Variants in FHL2 observed in about 807,000 individuals in gnomAD.
FHL2 encodes the protein four and a half LIM domains 2, also known as four and a half LIM domains protein 2.
In FHL2, 20 loss-of-function variants were observed where a neutral mutation model predicts 32.7. That is an observed-to-expected ratio of 0.61 (90% CI 0.43 to 0.89). The LOEUF is 0.89. FHL2 is among the 40% of genes least tolerant of loss of function. The pLI is 0.00. For missense variants in FHL2, 311 were observed against 358.6 expected (o/e 0.87, Z 1.07); for synonymous variants, 123 against 128.1 (o/e 0.96, Z 0.27).
intron 3 of FHL2, among the ~76,000 whole-genome samples, chr2:105,383,577 C>T (rs924384495): frequency 6.6e-6 from 1 of 150,656 alleles, no homozygotes; most frequent in Non-Finnish European, 1.5e-5. Flanking sequence ...ACATTTAAAA[C>T]TCACACACAT....
At chr2:105,361,572 G>A (rs1454754578) in intron 6 of FHL2, 138 bp from the exon 7 acceptor site, 2 of 686,846 alleles carry the variant, frequency 2.9e-6, no homozygotes, top group Non-Finnish European at 4.8e-6. Flanking sequence ...GTGACTGGGT[G>A]TTGGGAATCC....
intron 3 of FHL2, among the ~76,000 whole-genome samples, chr2:105,377,012 G>A (rs555053741): frequency 6.6e-6 from 1 of 152,228 alleles, no homozygotes; most frequent in Non-Finnish European, 1.5e-5. Flanking sequence ...CCAGGGGCTG[G>A]GATGAGAGGG....
intron 2 of FHL2, among the ~76,000 whole-genome samples, chr2:105,387,869 T>C (rs1682434746): frequency 6.6e-6 from 1 of 152,170 alleles, no homozygotes; most frequent in Admixed American, 6.5e-5. Context: ...TGCCCAGCGA[T>C]GACAGATTGG....
upstream of FHL2, among the ~76,000 whole-genome samples, chr2:105,403,933 C>T (rs1007653714): frequency 6.6e-6 from 1 of 152,202 alleles, no homozygotes; most frequent in Non-Finnish European, 1.5e-5. Flanking sequence ...AAATTTCATT[C>T]TCTGGGAGAG....
At chr2:105,399,655 G>A (rs1683391107), upstream of FHL2, 7 of 1,484,914 alleles carry the variant, frequency 4.7e-6, no homozygotes, top group Non-Finnish European at 5.3e-6. Context: ...CTCCAGGGCG[G>A]GAAAACCAAA....
At chr2:105,404,004 TG>T (rs1293955187), upstream of FHL2, among the ~76,000 whole-genome samples, 14 of 152,070 alleles carry the variant, frequency 9.2e-5, no homozygotes, top group Admixed American at 2.0e-4. Context: ...GGTGGGGTCG[TG>T]GGGGGGAGGC....
intron 4 of FHL2, 150 bp downstream of exon 4, chr2:105,373,409 G>T: frequency 1.3e-6 from 1 of 762,594 alleles, no homozygotes; most frequent in Non-Finnish European, 2.2e-6. Flanking sequence ...TGCTTCGTAA[G>T]TACTCTAAAT....
intron 3 of FHL2, among the ~76,000 whole-genome samples, chr2:105,385,053 A>G (rs1000033088): frequency 2.6e-5 from 4 of 152,166 alleles, no homozygotes; most frequent in East Asian, 3.9e-4. Context: ...CAGATCAGCT[A>G]TTTTTGCTTA....
intron 2 of FHL2, among the ~76,000 whole-genome samples, chr2:105,396,201 G>A (rs187552438): frequency 2.6e-5 from 4 of 152,282 alleles, no homozygotes; most frequent in Admixed American, 6.5e-5. Context: ...ACACAATTAC[G>A]AAGGTGAAAA....
upstream of FHL2, among the ~76,000 whole-genome samples, chr2:105,403,509 G>A (rs1345000958): frequency 6.6e-6 from 1 of 152,180 alleles, no homozygotes; most frequent in Non-Finnish European, 1.5e-5. Flanking sequence ...TAGGAAGGGA[G>A]GAAAGAGAGG....
intron 4 of FHL2, among the ~76,000 whole-genome samples, chr2:105,370,835 G>A (rs1021883575): frequency 1.3e-5 from 2 of 152,130 alleles, no homozygotes; most frequent in Non-Finnish European, 2.9e-5. Flanking sequence ...GTAAAATGGG[G>A]ATGAAGCCAT....
At chr2:105,424,877 G>C (rs564317674) in intron 1 of FHL2, among the ~76,000 whole-genome samples, 2 of 152,280 alleles carry the variant, frequency 1.3e-5, no homozygotes, top group Admixed American at 6.5e-5. Context: ...GTCAGGGAGT[G>C]GGGGCCTGGG....
chr2:105,435,819 C>A (rs151187485), intron 1 of FHL2, among the ~76,000 whole-genome samples: 1,646 of 152,228 alleles, frequency 0.011, 23 homozygotes, highest in African/African-American at 0.038. Context: ...GAGACTCCTT[C>A]TCAAAACATA....
chr2:105,367,500 A>T, intron 5 of FHL2, 70 bp downstream of exon 5: 1 of 1,477,038 alleles, frequency 6.8e-7, no homozygotes, highest in Non-Finnish European at 9.2e-7. Context: ...TTGGAAAGAG[A>T]ACTGACAGAC....
upstream of FHL2, among the ~76,000 whole-genome samples, chr2:105,403,894 GC>G (rs1683548683): frequency 6.6e-6 from 1 of 152,244 alleles, no homozygotes; most frequent in African/African-American, 2.4e-5. Context: ...AGAAGTTTCA[GC>G]CAGTGGGTCT....
intron 3 of FHL2, 102 bp downstream of exon 3, chr2:105,386,259 G>C (rs946307237): frequency 7.2e-7 from 1 of 1,387,906 alleles, no homozygotes; most frequent in African/African-American, 1.4e-5. Flanking sequence ...GGGGGCTCAA[G>C]AGACAGACTT....
chr2:105,363,456 C>T lies in FHL2; in HGVS notation c.517G>A (p.Gly173Arg), dbSNP rs986329672. ...CAGGGCTGCTCCCGGTAAGTGACCCCTCCCGTGGTGATGGGCTGCAGGGAC... is the reference window on the plus strand; with the variant it reads ...CAGGGCTGCTCCCGGTAAGTGACCCTTCCCGTGGTGATGGGCTGCAGGGAC... ...VQCKKPITTG[G>R]VTYREQPWHK... is the part of the protein sequence containing the mutation. The change falls in exon 6 of 7, where the codon GGG becomes AGG. Residue 173 changes from glycine (G) to arginine (R), a missense_variant. Coordinates refer to ENST00000530340, the MANE Select transcript of FHL2 (RefSeq NM_001318895.3). The T allele has an allele frequency of 6.2e-7, 1 of 1,609,504 alleles. No individual in the cohort carries two copies. The highest frequency in any genetic ancestry group is 8.5e-7 in the Non-Finnish European group (1 of 1,177,966).
intron 1 of FHL2, among the ~76,000 whole-genome samples, chr2:105,419,962 T>C (rs912285062): frequency 2.0e-5 from 3 of 152,054 alleles, no homozygotes; most frequent in Non-Finnish European, 4.4e-5. Context: ...AAGTGTTCAG[T>C]TGAGGGTGGG....
chr2:105,361,218 G>A lies in FHL2; in HGVS notation c.*65C>T, dbSNP rs1680229705. 4 of 1,522,808 alleles carry A rather than the reference G, an allele frequency of 2.6e-6. No homozygotes were observed. Among genetic ancestry groups the A allele is most frequent in the Non-Finnish European group, 3.6e-6 (4 of 1,116,288 alleles). 94.3% of individuals were successfully genotyped at this position (1,522,808 alleles called of 1,614,324 possible). A position where few individuals can be genotyped will look rare whatever the true frequency, so the allele number is the denominator to read the frequency against. ...AAGAAACCAGAAGGCAAGATTGCCTGGGTGAGAAAGAAAACATAAAAATCT... is the reference window on the plus strand; with the variant it reads ...AAGAAACCAGAAGGCAAGATTGCCTAGGTGAGAAAGAAAACATAAAAATCT... On this transcript the variant is annotated 3_prime_UTR_variant, in exon 7 of 7. Coordinates refer to ENST00000530340, the MANE Select transcript of FHL2 (RefSeq NM_001318895.3).
Sources: gnomAD v4.1 joint callset for allele counts (sites outside exome capture counted in the v4.1 genomes callset) on GRCh38, gnomAD v4.1.1 for gene constraint, MANE v1.5 for transcripts, NCBI Gene and HGNC (gene_info 2026-07-23, HGNC 2026-07-21) for gene names.